The following GJB6 variants were observed in gnomAD, a reference collection of about 807,000 sequenced individuals.
GJB6 encodes gap junction protein beta 6.
In GJB6, 5 loss-of-function variants were observed where a neutral mutation model predicts 5.4. The observed-to-expected ratio is 0.92, with a 90% CI of 0.48 to 1.93. GJB6 has a LOEUF of 1.93. GJB6 is among the 30% of genes most tolerant of loss of function. The pLI is 0.01. For synonymous variants in GJB6, 136 were observed against 129.6 expected, an observed-to-expected ratio of 1.05 and a Z score of -0.34; for missense variants, 298 against 326.9, an observed-to-expected ratio of 0.91 and a Z score of 0.68.
At chr13:20,223,751 G>A (rs972002462) in intron 4 of GJB6, among the ~76,000 whole-genome samples, 5 of 152,050 alleles carry the variant, frequency 3.3e-5, no homozygotes, top group South Asian at 2.1e-4. Flanking sequence ...AGATCATGAG[G>A]TCAGGAGATC....
At position 20,223,345 on chromosome 13, in the gene GJB6, C is replaced by G; in HGVS notation, c.136G>C (p.Asp46His). ...TTGCAGACGAAGTCCTCTTGCTCGTCACCCCACACTTCCTGGGCAGCCACC... is the reference window on the plus strand; with the variant it reads ...TTGCAGACGAAGTCCTCTTGCTCGTGACCCCACACTTCCTGGGCAGCCACC... ...LVVAAQEVWG[D>H]EQEDFVCNTL... Residue 46 changes from aspartate (D) to histidine (H), a missense_variant, in exon 5 of 5, where the codon GAC becomes CAC. By Grantham distance (81) the Asp-to-His change is moderately conservative. Transcript: ENST00000647029. The G allele has an allele frequency of 6.2e-7, 1 of 1,614,192 alleles. No individual in the cohort carries two copies. Among genetic ancestry groups the G allele is most frequent in the Non-Finnish European group, 8.5e-7 (1 of 1,180,044 alleles).
intron 4 of GJB6, among the ~76,000 whole-genome samples, chr13:20,227,942 G>A (rs1369520641): frequency 6.6e-6 from 1 of 152,296 alleles, no homozygotes; most frequent in East Asian, 1.9e-4. Flanking sequence ...GGGTGGACAG[G>A]GTGGGTGGAC....
At chr13:20,228,947 A>C (rs1294462618) in intron 4 of GJB6, among the ~76,000 whole-genome samples, 1 of 151,914 alleles carries the variant, frequency 6.6e-6, no homozygotes. Context: ...TGACTGCACT[A>C]ATGAAATTTC....
Position 20,222,842 on chromosome 13 carries a change from C to T in GJB6, c.639G>A (p.Leu213=). The T allele has an allele frequency of 6.2e-7, 1 of 1,614,142 alleles. No homozygotes were observed. Among genetic ancestry groups the T allele is most frequent in the Non-Finnish European group, 8.5e-7 (1 of 1,180,042 alleles). ...MLLNVAELCY[L]LLKVCFRRSK... ...ATCTCCTAAAACACACTTTCAGCAG[C>T]AGGTAGCACAACTCTGCCACGTTAA... is the stretch of plus-strand genomic sequence containing the variant. Residue 213 remains leucine (L), a synonymous_variant, in exon 5 of 5, where the codon CTG becomes CTA. Transcript: ENST00000647029.
At chr13:20,223,581 T>C in intron 4 of GJB6, 86 bp from the exon 5 acceptor site, 1 of 1,041,012 alleles carries the variant, frequency 9.6e-7, no homozygotes, top group South Asian at 1.3e-5. Flanking sequence ...GAAGCCAACT[T>C]TATTTTAAGG....
intron 4 of GJB6, among the ~76,000 whole-genome samples, chr13:20,228,464 TTTGTTTTTG>T (rs1869747161): frequency 7.1e-6 from 1 of 141,542 alleles, no homozygotes; most frequent in South Asian, 2.2e-4. Flanking sequence ...TTCTTGTTTG[TTTGTTTTTG>T]TTTTTTGTTT....
chr13:20,229,811 C>G (rs563727882), intron 3 of GJB6, 62 bp from the exon 4 acceptor site: 4 of 130,660 alleles, frequency 3.1e-5, no homozygotes, highest in Non-Finnish European at 6.5e-5. Context: ...CCCCGCCCCC[C>G]GCAATATGTC....
chr13:20,227,032 G>A (rs1229644472), intron 4 of GJB6, among the ~76,000 whole-genome samples: 2 of 152,208 alleles, frequency 1.3e-5, no homozygotes, highest in Middle Eastern at 3.4e-3. Flanking sequence ...AGAGGCTAAA[G>A]TCACAGAAAA....
chr13:20,225,520 A>C (rs1361832332), intron 4 of GJB6: 3 of 152,128 alleles, frequency 2.0e-5, no homozygotes, highest in African/African-American at 7.2e-5. Flanking sequence ...CCTGCTTTCA[A>C]GTCTCTTAGG....
At chr13:20,226,761 A>T (rs1429142200) in intron 4 of GJB6, among the ~76,000 whole-genome samples, 2 of 152,202 alleles carry the variant, frequency 1.3e-5, no homozygotes, top group African/African-American at 2.4e-5. Flanking sequence ...CTTATTAACC[A>T]AGAAACACCT....
At chr13:20,223,620 C>T (rs1869381832) in intron 4 of GJB6, 125 bp from the exon 5 acceptor site, 2 of 771,500 alleles carry the variant, frequency 2.6e-6, no homozygotes, top group Non-Finnish European at 4.5e-6. Context: ...AACTTCAACT[C>T]CCTGCCCTGC....
At position 20,223,104 on chromosome 13, in the gene GJB6, AC is replaced by A. The variant is rs2137332907; in HGVS notation, c.376del (p.Val126PhefsTer3). 6 of 1,613,856 alleles carry A rather than the reference AC, an allele frequency of 3.7e-6. No individual in the cohort carries two copies. The highest frequency in any genetic ancestry group is 5.1e-6 in the Non-Finnish European group (6 of 1,179,812). ...KDIEDIKKQK[V>X]RIEGSLWWTY... is the part of the protein sequence containing the mutation. The stretch of plus-strand genomic sequence containing the variant: ...CCACCACAGCGACCCCTCTATCCGA[AC>A]CTTCTGCTTTTTAATGTCCTCTATG... On this transcript the variant is annotated frameshift_variant, in exon 5 of 5. Coordinates refer to ENST00000647029, the MANE Select transcript of GJB6 (RefSeq NM_001110219.3). LOFTEE classifies it low-confidence loss of function (END_TRUNC).
Position 20,222,950 on chromosome 13 carries a change from A to G in GJB6, c.531T>C (p.Leu177=). 10 of 1,614,204 alleles carry G rather than the reference A, an allele frequency of 6.2e-6. No homozygotes were observed. Among genetic ancestry groups the G allele is most frequent in the Non-Finnish European group, 8.5e-6 (10 of 1,180,028 alleles). The part of the protein sequence containing the change: ...LKCGIDPCPN[L]VDCFISRPTE... ...TTGGCCTAGAAATAAAGCAGTCAAC[A>G]AGGTTGGGGCAGGGGTCAATCCCAC... Residue 177 remains leucine (L), a synonymous_variant, in exon 5 of 5, where the codon CTT becomes CTC. Transcript: ENST00000647029.
At position 20,222,875 on chromosome 13, in the gene GJB6, G is replaced by A. The variant is rs1593362791; in HGVS notation, c.606C>T (p.Cys202=). 6.2e-7 allele frequency: 1 copy of A among 1,614,094 alleles called. No individual in the cohort carries two copies. The highest frequency in any genetic ancestry group is 8.5e-7 in the Non-Finnish European group (1 of 1,179,992). The change falls in exon 5 of 5, where the codon TGC becomes TGT. Residue 202 remains cysteine (C), a synonymous_variant. Coordinates refer to ENST00000647029, the MANE Select transcript of GJB6 (RefSeq NM_001110219.3). The part of the protein sequence containing the change: ...TIFMISASVI[C]MLLNVAELCY... Reference sequence around the variant, plus strand: ...ACAACTCTGCCACGTTAAGCAGCATGCAAATCACAGACGCAGAAATCATAA... The same window carrying A: ...ACAACTCTGCCACGTTAAGCAGCATACAAATCACAGACGCAGAAATCATAA...
rs1011232901 is a variant in GJB6, at chr13:20,231,945, G to A, written c.-420+249C>T. ...CCACTGCCATCGGGCCGGGGCCGGG[G>A]CGCGTGGACAGGAGGGTGCGGATAG... On this transcript the variant is annotated intron_variant, in intron 1 of 4. Transcript: ENST00000647029. 3.9e-5 allele frequency among the ~76,000 whole-genome samples: 6 copies of A among 152,174 alleles called. No homozygotes were observed. In the South Asian group the frequency reaches 1.2e-3, roughly 32 times the overall value.
intron 4 of GJB6, among the ~76,000 whole-genome samples, chr13:20,228,714 G>C (rs552786108): frequency 3.7e-4 from 56 of 151,050 alleles, no homozygotes; most frequent in Non-Finnish European, 6.1e-4. Flanking sequence ...TCGATCTCCT[G>C]ACCTCATGAT....
At chr13:20,230,284 AC>A (rs1191320313) in intron 3 of GJB6, among the ~76,000 whole-genome samples, 1 of 152,218 alleles carries the variant, frequency 6.6e-6, no homozygotes, top group Non-Finnish European at 1.5e-5. Context: ...TAAAAATGAA[AC>A]GTTTCTGTCT....
intron 4 of GJB6, among the ~76,000 whole-genome samples, chr13:20,223,932 GCACCCCAGCCT>G (rs1869405394): frequency 6.6e-6 from 1 of 151,798 alleles, no homozygotes; most frequent in South Asian, 2.1e-4. Flanking sequence ...TTGCACCACT[GCACCCCAGCCT>G]GGGTGACAGA....
chr13:20,230,744 G>A lies in GJB6; in HGVS notation c.-232C>T, dbSNP rs1238282303. ...AAAGATGCATGAAGAGGGCGTACAAGTTAGAATTTTTCTTTCGCCATACAG... is the reference window on the plus strand; with the variant it reads ...AAAGATGCATGAAGAGGGCGTACAAATTAGAATTTTTCTTTCGCCATACAG... On this transcript the variant is annotated 5_prime_UTR_variant, in exon 3 of 5. Coordinates refer to ENST00000647029, the MANE Select transcript of GJB6 (RefSeq NM_001110219.3). 2 of 152,324 alleles carry A rather than the reference G, an allele frequency of 1.3e-5. No individual in the cohort carries two copies. Among genetic ancestry groups the A allele is most frequent in the South Asian group, 2.1e-4 (1 of 4,824 alleles). The allele number at this position is 152,324 out of a possible 1,614,324, so 9.4% of individuals were successfully genotyped here. A position where few individuals can be genotyped will look rare whatever the true frequency, so the allele number is the denominator to read the frequency against.
Sources: allele counts gnomAD v4.1 joint callset (sites outside exome capture counted in the v4.1 genomes callset), GRCh38; gene constraint gnomAD v4.1.1; transcripts MANE v1.5; gene names NCBI Gene and HGNC (gene_info 2026-07-23, HGNC 2026-07-21).